Variants in PDZRN3 observed in about 807,000 individuals in gnomAD.
PDZRN3 encodes E3 ubiquitin-protein ligase PDZRN3.
Under a neutral mutation model 85.7 loss-of-function variants are expected in PDZRN3, and 38 were observed. The observed-to-expected ratio is 0.44, with a 90% CI of 0.34 to 0.58. PDZRN3 has a LOEUF of 0.58. Among genes scored for constraint, PDZRN3 ranks in the 20% least tolerant of loss-of-function variants. PDZRN3 has a pLI of 0.01. For synonymous variants in PDZRN3, 759 were observed against 638.0 expected (o/e 1.19, Z -2.86); for missense variants, 1,629 against 1,506.4 (o/e 1.08, Z -1.35).
At chr3:73,389,773 G>GTGAT (rs1386369050) in intron 7 of PDZRN3, 43 bp downstream of exon 7, 1 of 1,373,492 alleles carries the variant, frequency 7.3e-7, no homozygotes, top group Non-Finnish European at 1.0e-6. Flanking sequence ...TTGTTCTTTA[G>GTGAT]TGATAGGCCC....
chr3:73,438,273 G>A (rs1213887476), intron 3 of PDZRN3, among the ~76,000 whole-genome samples: 2 of 152,196 alleles, frequency 1.3e-5, no homozygotes, highest in Non-Finnish European at 2.9e-5. Context: ...ATCGTTCTTT[G>A]AACTTCCATA....
intron 3 of PDZRN3, among the ~76,000 whole-genome samples, chr3:73,563,880 G>C (rs1209630418): frequency 6.6e-6 from 1 of 152,224 alleles, no homozygotes; most frequent in African/African-American, 2.4e-5. Context: ...AAGATGCAGA[G>C]GTAGGACTTG....
intron 2 of PDZRN3, 41 bp downstream of exon 2, chr3:73,608,557 A>T: frequency 7.4e-7 from 1 of 1,348,170 alleles, no homozygotes; most frequent in Non-Finnish European, 1.1e-6. Context: ...CTTTCCAGCT[A>T]CACCAGGAAA....
intron 3 of PDZRN3, among the ~76,000 whole-genome samples, chr3:73,489,223 T>G (rs1391791604): frequency 1.3e-5 from 2 of 152,172 alleles, no homozygotes; most frequent in Admixed American, 1.3e-4. Flanking sequence ...TGGCATTAAA[T>G]AGCAAATAGC....
chr3:73,614,591 G>A (rs542903735), intron 1 of PDZRN3, among the ~76,000 whole-genome samples: 6 of 152,310 alleles, frequency 3.9e-5, no homozygotes, highest in African/African-American at 1.4e-4. Flanking sequence ...ACACCTCGCA[G>A]CCTCAGATTA....
intron 3 of PDZRN3, among the ~76,000 whole-genome samples, chr3:73,463,859 G>T (rs1256906062): frequency 1.3e-5 from 2 of 151,870 alleles, no homozygotes; most frequent in Admixed American, 1.3e-4. Flanking sequence ...TTAATACCTG[G>T]GTGATGAAAT....
At chr3:73,520,920 T>C (rs1704349305) in intron 3 of PDZRN3, among the ~76,000 whole-genome samples, 1 of 152,134 alleles carries the variant, frequency 6.6e-6, no homozygotes, top group African/African-American at 2.4e-5. Flanking sequence ...GTGTAAACAC[T>C]GGAAAATCAG....
intron 3 of PDZRN3, among the ~76,000 whole-genome samples, chr3:73,463,928 C>T (rs1402208029): frequency 3.3e-5 from 5 of 152,048 alleles, no homozygotes; most frequent in Non-Finnish European, 4.4e-5. Flanking sequence ...ACATCCTGCA[C>T]GTTACCCCTG....
At chr3:73,386,245 T>TTTTTTTG (rs1701383880) in intron 8 of PDZRN3, among the ~76,000 whole-genome samples, 1 of 146,518 alleles carries the variant, frequency 6.8e-6, no homozygotes, top group Non-Finnish European at 1.5e-5. Context: ...TTTTTTTTTT[T>TTTTTTTG]GAGACAGAAT....
intron 8 of PDZRN3, 99 bp downstream of exon 8, chr3:73,387,869 T>A: frequency 1.6e-6 from 1 of 633,306 alleles, no homozygotes; most frequent in South Asian, 2.2e-5. Context: ...CAAAGCACCT[T>A]CAAGTTCGCA....
At chr3:73,578,034 C>T (rs1387518567) in intron 3 of PDZRN3, among the ~76,000 whole-genome samples, 1 of 152,198 alleles carries the variant, frequency 6.6e-6, no homozygotes, top group African/African-American at 2.4e-5. Context: ...AGAAGTTTGC[C>T]GATCTCTGTC....
chr3:73,414,423 C>A (rs1273631101), intron 3 of PDZRN3, among the ~76,000 whole-genome samples: 1 of 152,060 alleles, frequency 6.6e-6, no homozygotes, highest in African/African-American at 2.4e-5. Flanking sequence ...GGTTTGGCAT[C>A]TTTTTTGTTC....
intron 3 of PDZRN3, among the ~76,000 whole-genome samples, chr3:73,537,160 G>A (rs747987455): frequency 5.9e-5 from 9 of 152,142 alleles, no homozygotes; most frequent in Non-Finnish European, 1.3e-4. Flanking sequence ...CAGATGCAAT[G>A]TACACCACTC....
intron 3 of PDZRN3, among the ~76,000 whole-genome samples, chr3:73,442,723 A>C (rs80249145): frequency 0.022 from 3,258 of 151,104 alleles, 115 homozygotes; most frequent in African/African-American, 0.075. Flanking sequence ...CATCTTTTGA[A>C]AATTCCTAGT....
chr3:73,454,388 C>T (rs534740191), intron 3 of PDZRN3, among the ~76,000 whole-genome samples: 1 of 152,244 alleles, frequency 6.6e-6, no homozygotes, highest in South Asian at 2.1e-4. Context: ...ACCTCAACCC[C>T]CTCCTGAGCA....
chr3:73,479,083 C>T (rs910663720), intron 3 of PDZRN3, among the ~76,000 whole-genome samples: 1 of 152,164 alleles, frequency 6.6e-6, no homozygotes, highest in Non-Finnish European at 1.5e-5. Context: ...AGAAATGTGG[C>T]CTGAATCCTG....
chr3:73,464,418 C>T (rs1259882605), intron 3 of PDZRN3, among the ~76,000 whole-genome samples: 2 of 152,118 alleles, frequency 1.3e-5, no homozygotes, highest in African/African-American at 2.4e-5. Context: ...TTTATGTAAG[C>T]TGACCTTATA....
chr3:73,391,352 C>T (rs1479712572), intron 5 of PDZRN3, among the ~76,000 whole-genome samples: 5 of 152,156 alleles, frequency 3.3e-5, no homozygotes, highest in Non-Finnish European at 5.9e-5. Flanking sequence ...TTTCATTGAT[C>T]CCCCAAAGAA....
In PDZRN3 at chr3:73,424,127, C is replaced by T. The variant is rs150324236; in HGVS notation, c.919-19732G>A. ...AATATAAGTAAATATCTTTCTGACT[C>T]AGAGAGAGAAAACACATTTCCTAGC... On this transcript the variant is annotated intron_variant, in intron 3 of 9. Coordinates refer to ENST00000263666, the MANE Select transcript of PDZRN3 (RefSeq NM_015009.3). Among the ~76,000 whole-genome samples, 120 of 152,040 alleles carry T rather than the reference C, an allele frequency of 7.9e-4. 1 individual carries two copies. The highest frequency in any genetic ancestry group is 3.4e-3 in the Middle Eastern group (1 of 294).
Sources: allele counts gnomAD v4.1 joint callset (sites outside exome capture counted in the v4.1 genomes callset), GRCh38; gene constraint gnomAD v4.1.1; transcripts MANE v1.5; gene names NCBI Gene and HGNC (gene_info 2026-07-23, HGNC 2026-07-21).